Variants in GTF2E1 observed in about 807,000 individuals in gnomAD.
The protein encoded by GTF2E1 is TFIIE alpha subunit.
In GTF2E1, 14 loss-of-function variants were observed where a neutral mutation model predicts 34.9. The ratio of observed to expected loss-of-function variants is 0.40; its 90% CI spans 0.27 to 0.63. The LOEUF is 0.63. Ranked by LOEUF, GTF2E1 falls within the 20% of genes least tolerant of loss-of-function variation. The pLI, the probability that GTF2E1 is intolerant of heterozygous loss-of-function variation, is 0.39. For synonymous variants in GTF2E1, 188 were observed against 192.9 expected (o/e 0.97, Z 0.21); for missense variants, 469 against 557.7 (o/e 0.84, Z 1.60).
intron 1 of GTF2E1, among the ~76,000 whole-genome samples, chr3:120,744,225 T>G (rs886420891): frequency 4.6e-5 from 7 of 152,178 alleles, no homozygotes; most frequent in Admixed American, 6.5e-5. Flanking sequence ...TTTGAAACAT[T>G]CTTTGGGTGA....
intron 2 of GTF2E1, 99 bp from the exon 3 acceptor site, chr3:120,770,629 T>C (rs1357582853): frequency 4.9e-6 from 4 of 812,620 alleles, no homozygotes; most frequent in African/African-American, 3.4e-5. Flanking sequence ...CCTTTGTGTA[T>C]ATTTGAAAGT....
intron 1 of GTF2E1, among the ~76,000 whole-genome samples, chr3:120,747,111 G>A (rs1042901025): frequency 4.7e-5 from 7 of 149,150 alleles, no homozygotes; most frequent in Non-Finnish European, 7.5e-5. Flanking sequence ...TTTTTGTTTT[G>A]TTTTTTTTTG....
At chr3:120,758,484 C>A (rs1446347581) in intron 2 of GTF2E1, among the ~76,000 whole-genome samples, 2 of 151,944 alleles carry the variant, frequency 1.3e-5, no homozygotes, top group African/African-American at 4.8e-5. Context: ...AGGTTTGTTA[C>A]ATAGGTATAC....
At chr3:120,761,319 T>C (rs1254850819) in intron 2 of GTF2E1, among the ~76,000 whole-genome samples, 3 of 152,202 alleles carry the variant, frequency 2.0e-5, no homozygotes, top group Non-Finnish European at 4.4e-5. Flanking sequence ...TTTTCTTTTT[T>C]ATTAGTCTGG....
chr3:120,770,931 T>G lies in GTF2E1; in HGVS notation c.650+2T>G. On this transcript the variant is annotated splice_donor_variant, in intron 3 of 4. Transcript: ENST00000283875. LOFTEE classifies it high-confidence loss of function. ...AGAAATCCCAGCCCTGAAACAGAGGTGAGTGTAGGCCCTGTGCTCTTACTA... is the reference window on the plus strand; with the variant it reads ...AGAAATCCCAGCCCTGAAACAGAGGGGAGTGTAGGCCCTGTGCTCTTACTA... 6.2e-7 allele frequency: 1 copy of G among 1,611,102 alleles called. No homozygotes were observed. Among genetic ancestry groups the G allele is most frequent in the Non-Finnish European group, 8.5e-7 (1 of 1,177,464 alleles).
Position 120,750,562 on chromosome 3 carries a change from C to G in GTF2E1, c.10C>G (p.Pro4Ala), listed in dbSNP as rs1485712936. The change falls in exon 2 of 5, where the codon CCA (proline) becomes GCA (alanine). Residue 4 changes from proline (P) to alanine (A), a missense_variant. By Grantham distance (27) the Pro-to-Ala change is conservative. Coordinates refer to ENST00000283875, the MANE Select transcript of GTF2E1 (RefSeq NM_005513.3). Reference protein sequence around the residue: MADPDVLTEVPAAL... With the variant: MADADVLTEVPAAL... ...GAGTTCGTTGCTAAAGATGGCAGAC[C>G]CAGATGTCCTCACTGAAGTTCCAGC... The G allele has an allele frequency of 1.2e-6, 2 of 1,608,800 alleles. No individual in the cohort carries two copies. The highest frequency in any genetic ancestry group is 8.5e-7 in the Non-Finnish European group (1 of 1,175,552).
intron 2 of GTF2E1, among the ~76,000 whole-genome samples, chr3:120,766,898 T>G (rs1197843929): frequency 6.6e-6 from 1 of 152,102 alleles, no homozygotes; most frequent in African/African-American, 2.4e-5. Flanking sequence ...CCCTTCTGAT[T>G]TCAGGAAAAC....
At chr3:120,743,642 A>C (rs1709077955) in intron 1 of GTF2E1, among the ~76,000 whole-genome samples, 1 of 152,128 alleles carries the variant, frequency 6.6e-6, no homozygotes, top group Admixed American at 6.5e-5. Flanking sequence ...CTTAATGGGG[A>C]GTCTGGGAAG....
chr3:120,771,485 C>T (rs2107611885), intron 3 of GTF2E1, among the ~76,000 whole-genome samples: 1 of 152,126 alleles, frequency 6.6e-6, no homozygotes, highest in East Asian at 1.9e-4. Flanking sequence ...TTTGCCATGC[C>T]AGAAAAGGTG....
intron 2 of GTF2E1, among the ~76,000 whole-genome samples, chr3:120,759,551 A>G (rs1457179518): frequency 6.6e-6 from 1 of 151,914 alleles, no homozygotes; most frequent in Non-Finnish European, 1.5e-5. Flanking sequence ...AGGTTTTCTT[A>G]TAGGGTTTTT....
chr3:120,771,072 T>G, intron 3 of GTF2E1, 143 bp downstream of exon 3: 1 of 721,592 alleles, frequency 1.4e-6, no homozygotes, highest in East Asian at 2.5e-5. Flanking sequence ...TTGTGCCACA[T>G]TTGTCTGATT....
At chr3:120,770,673 A>T in intron 2 of GTF2E1, 55 bp from the exon 3 acceptor site, 1 of 1,272,670 alleles carries the variant, frequency 7.9e-7, no homozygotes, top group Non-Finnish European at 1.2e-6. Context: ...GGGTGGAGGT[A>T]TAAACTATCT....
chr3:120,757,198 G>C (rs1709217215), intron 2 of GTF2E1, among the ~76,000 whole-genome samples: 1 of 152,084 alleles, frequency 6.6e-6, no homozygotes, highest in Admixed American at 6.6e-5. Flanking sequence ...TCAGTTTGTT[G>C]TTTTCTGCCC....
intron 2 of GTF2E1, among the ~76,000 whole-genome samples, chr3:120,755,260 C>T (rs916807104): frequency 2.0e-5 from 3 of 152,190 alleles, no homozygotes; most frequent in Non-Finnish European, 4.4e-5. Flanking sequence ...TGAGTCCCTT[C>T]TTGGCTTGTG....
intron 3 of GTF2E1, among the ~76,000 whole-genome samples, chr3:120,773,799 A>C (rs1025757075): frequency 6.6e-6 from 1 of 152,192 alleles, no homozygotes; most frequent in African/African-American, 2.4e-5. Flanking sequence ...AATTGTTCCA[A>C]ATTTTAAAAT....
intron 2 of GTF2E1, among the ~76,000 whole-genome samples, chr3:120,753,001 A>G (rs906857525): frequency 2.0e-5 from 3 of 152,138 alleles, no homozygotes; most frequent in Admixed American, 2.0e-4. Context: ...TTCTGAGAAC[A>G]TACTTGCCTT....
chr3:120,754,296 A>G (rs1041335284), intron 2 of GTF2E1, among the ~76,000 whole-genome samples: 1 of 152,168 alleles, frequency 6.6e-6, no homozygotes, highest in African/African-American at 2.4e-5. Context: ...AATGCCAGAG[A>G]CAAATTTGAA....
intron 3 of GTF2E1, among the ~76,000 whole-genome samples, chr3:120,773,356 A>G (rs1419947924): frequency 3.9e-5 from 6 of 152,116 alleles, no homozygotes; most frequent in African/African-American, 1.4e-4. Context: ...AGAGGCATCA[A>G]TAGAATGGTA....
intron 2 of GTF2E1, among the ~76,000 whole-genome samples, chr3:120,760,353 A>G (rs1709249476): frequency 6.6e-6 from 1 of 152,238 alleles, no homozygotes; most frequent in Non-Finnish European, 1.5e-5. Flanking sequence ...TTTTCTAAAT[A>G]TACAATCATG....
Sources: allele counts gnomAD v4.1 joint callset (sites outside exome capture counted in the v4.1 genomes callset), GRCh38; gene constraint gnomAD v4.1.1; transcripts MANE v1.5; gene names NCBI Gene and HGNC (gene_info 2026-07-23, HGNC 2026-07-21).